Variants in SLC38A6 observed in about 807,000 individuals in gnomAD.
SLC38A6 encodes the protein N system amino acid transporter NAT-1.
In SLC38A6, 73 loss-of-function variants were observed where a neutral mutation model predicts 65.0. That is an observed-to-expected ratio of 1.12 (90% CI 0.93 to 1.37). SLC38A6 has a LOEUF of 1.37. Among genes scored for constraint, SLC38A6 ranks in the 40% most tolerant of loss-of-function variants. The pLI, the probability that SLC38A6 is intolerant of heterozygous loss-of-function variation, is 0.00. For synonymous variants in SLC38A6, 183 were observed against 178.8 expected (o/e 1.02, Z -0.19); for missense variants, 561 against 531.1 (o/e 1.06, Z -0.55).
At chr14:60,983,737 A>C (rs565439311) in intron 2 of SLC38A6, among the ~76,000 whole-genome samples, 202 of 152,282 alleles carry the variant, frequency 1.3e-3, no homozygotes, top group African/African-American at 4.6e-3. Context: ...CATTATTTTT[A>C]AAATTAAAAA....
chr14:61,046,111 C>G lies in SLC38A6; in HGVS notation c.869C>G (p.Ala290Gly). 1 of 1,611,754 alleles carries G rather than the reference C, an allele frequency of 6.2e-7. No homozygotes were observed. Among genetic ancestry groups the G allele is most frequent in the South Asian group, 1.1e-5 (1 of 90,746 alleles). The change falls in exon 12 of 16, where the codon GCT becomes GGT. Residue 290 changes from alanine to glycine, a missense_variant. By Grantham distance (60) the Ala-to-Gly change is moderately conservative. Transcript: ENST00000267488. Reference sequence around the variant, plus strand: ...CAGAATGTTACCAATACAGCAATTGCTTTAAGTTTTCTCATTTATTTTATA... The same window carrying G: ...CAGAATGTTACCAATACAGCAATTGGTTTAAGTTTTCTCATTTATTTTATA... Reference protein sequence around the residue: ...RMQNVTNTAIALSFLIYFISA... With the variant: ...RMQNVTNTAIGLSFLIYFISA...
At chr14:60,984,677 T>A in intron 2 of SLC38A6, 53 bp from the exon 3 acceptor site, 1 of 1,532,426 alleles carries the variant, frequency 6.5e-7, no homozygotes, top group Non-Finnish European at 9.0e-7. Flanking sequence ...TGAGACACCA[T>A]ACAAAAGACA....
chr14:61,068,609 C>T (rs1441914849), intron 15 of SLC38A6, among the ~76,000 whole-genome samples: 1 of 152,204 alleles, frequency 6.6e-6, no homozygotes, highest in Non-Finnish European at 1.5e-5. Flanking sequence ...CTGTCACCCC[C>T]TCAGAGAGGT....
intron 3 of SLC38A6, chr14:60,987,202 A>G (rs1283581845): frequency 8.1e-6 from 2 of 247,448 alleles, no homozygotes; most frequent in South Asian, 8.5e-5. Flanking sequence ...ATACATTCAT[A>G]TATAAAGACT....
rs532393135 is a variant in SLC38A6 at position 61,037,283 on chromosome 14, T to C, written c.565+142T>C. The C allele has an allele frequency of 4.8e-5, 31 of 644,168 alleles. No individual in the cohort carries two copies. In the Admixed American group the frequency reaches 9.2e-4, roughly 19 times the overall value. 39.9% of individuals were successfully genotyped at this position (644,168 alleles called of 1,614,324 possible). ...ATGGTGGTTGTGTATAATTTTAAAC[T>C]TGGCCTTATTTTAGGTTGTTCAGCC... On this transcript the variant is annotated intron_variant, in intron 7 of 15. Coordinates refer to ENST00000267488, the MANE Select transcript of SLC38A6 (RefSeq NM_153811.3).
At chr14:60,981,613 T>A in intron 1 of SLC38A6, 1 of 1,477,236 alleles carries the variant, frequency 6.8e-7, no homozygotes, top group Non-Finnish European at 9.0e-7. Flanking sequence ...AAGCGTCGGG[T>A]GGAAGAGATG....
chr14:61,066,716 CT>C (rs2043029832), intron 15 of SLC38A6, among the ~76,000 whole-genome samples: 1 of 152,144 alleles, frequency 6.6e-6, no homozygotes, highest in Admixed American at 6.5e-5. Flanking sequence ...AATATCAACC[CT>C]GTGTAAACAT....
At chr14:61,043,576 G>A (rs571662354) in intron 10 of SLC38A6, 73 bp downstream of exon 10, 1 of 1,067,770 alleles carries the variant, frequency 9.4e-7, no homozygotes, top group Admixed American at 2.2e-5. Context: ...GTGTAACAGG[G>A]TCTCTTAGGT....
chr14:61,005,909 G>A (rs866151710), intron 3 of SLC38A6, among the ~76,000 whole-genome samples: 1,734 of 152,080 alleles, frequency 0.011, 34 homozygotes, highest in African/African-American at 0.038. Context: ...GAGGCATCAC[G>A]CTACCTGACT....
chr14:61,031,072 A>G (rs373730272), intron 6 of SLC38A6: 3 of 152,298 alleles, frequency 2.0e-5, no homozygotes, highest in Admixed American at 1.3e-4. Flanking sequence ...TTTGAACAAT[A>G]TTATAAACAA....
chr14:61,069,324 C>T (rs1290988440), intron 15 of SLC38A6, among the ~76,000 whole-genome samples: 1 of 151,942 alleles, frequency 6.6e-6, no homozygotes, highest in African/African-American at 2.4e-5. Context: ...CACTACTACC[C>T]CCATTAATCC....
chr14:61,061,237 C>G (rs2042829923), intron 15 of SLC38A6, among the ~76,000 whole-genome samples: 1 of 152,204 alleles, frequency 6.6e-6, no homozygotes. Flanking sequence ...TGATGAATCA[C>G]ATTTATTGAT....
At chr14:60,981,574 C>G in intron 1 of SLC38A6, 192 bp downstream of exon 1, 3 of 1,523,282 alleles carry the variant, frequency 2.0e-6, no homozygotes, top group Non-Finnish European at 2.6e-6. Context: ...GTGATAGCAG[C>G]CTAGCATACT....
intron 16 of SLC38A6, among the ~76,000 whole-genome samples, chr14:61,080,903 G>C (rs992129416): frequency 6.6e-6 from 1 of 152,210 alleles, no homozygotes; most frequent in African/African-American, 2.4e-5. Flanking sequence ...TGTCACACAC[G>C]CATTGTCAGC....
intron 3 of SLC38A6, among the ~76,000 whole-genome samples, chr14:60,990,713 G>A (rs1180116562): frequency 1.3e-5 from 2 of 151,954 alleles, no homozygotes; most frequent in Admixed American, 6.6e-5. Flanking sequence ...GCTCACTGCA[G>A]CCTCGACCTC....
chr14:61,016,414 T>A (rs1025016936), intron 4 of SLC38A6, among the ~76,000 whole-genome samples: 4 of 152,190 alleles, frequency 2.6e-5, no homozygotes, highest in Admixed American at 1.3e-4. Flanking sequence ...CTAGCTATCC[T>A]CTCATTTATA....
chr14:61,007,320 T>TAATAA (rs71114175), intron 3 of SLC38A6, among the ~76,000 whole-genome samples: 131,485 of 149,966 alleles, frequency 0.88, 58,401 homozygotes, highest in Non-Finnish European at 0.96. Flanking sequence ...ACTTTAATAA[T>TAATAA]AATAAAATAA....
At chr14:61,005,304 T>A (rs2039011569) in intron 3 of SLC38A6, among the ~76,000 whole-genome samples, 1 of 112,784 alleles carries the variant, frequency 8.9e-6, no homozygotes, top group Admixed American at 9.9e-5. Context: ...CCACTCCTAT[T>A]CAACATAGTG....
chr14:61,005,976 A>G (rs1243979275), intron 3 of SLC38A6, among the ~76,000 whole-genome samples: 3 of 152,208 alleles, frequency 2.0e-5, no homozygotes, highest in Non-Finnish European at 4.4e-5. Flanking sequence ...GTACCAAAAC[A>G]GAGATATAGA....
Sources: gnomAD v4.1 joint callset for allele counts (sites outside exome capture counted in the v4.1 genomes callset) on GRCh38, gnomAD v4.1.1 for gene constraint, MANE v1.5 for transcripts, NCBI Gene and HGNC (gene_info 2026-07-23, HGNC 2026-07-21) for gene names.